CCBE1: variants seen among roughly 807,000 people sequenced by gnomAD.
CCBE1 encodes the protein collagen and calcium-binding EGF domain-containing protein 1.
A neutral mutation model predicts 50.0 loss-of-function variants in CCBE1; 37 were observed. That is an observed-to-expected ratio of 0.74 (90% CI 0.57 to 0.97). CCBE1 has a LOEUF of 0.97. Among genes scored for constraint, CCBE1 ranks in the 50% least tolerant of loss-of-function variants. CCBE1 has a pLI of 0.00. For missense variants in CCBE1, 538 were observed against 523.8 expected (o/e 1.03, Z -0.26); for synonymous variants, 234 against 203.7 (o/e 1.15, Z -1.27).
At chr18:59,616,350 C>T (rs1027376534) in intron 2 of CCBE1, among the ~76,000 whole-genome samples, 3 of 152,132 alleles carry the variant, frequency 2.0e-5, no homozygotes, top group Non-Finnish European at 4.4e-5. Flanking sequence ...ATGGGAGACC[C>T]CAGATGTGAT....
chr18:59,502,776 G>C (rs1028337469), intron 2 of CCBE1, among the ~76,000 whole-genome samples: 1 of 152,130 alleles, frequency 6.6e-6, no homozygotes, highest in Non-Finnish European at 1.5e-5. Flanking sequence ...CTTTAAGAGC[G>C]CTGTGCTTGT....
chr18:59,454,615 T>C (rs1391488513), intron 6 of CCBE1, among the ~76,000 whole-genome samples: 1 of 152,214 alleles, frequency 6.6e-6, no homozygotes, highest in Non-Finnish European at 1.5e-5. Context: ...ACGTGTCCCT[T>C]ACCTAGTGTC....
intron 2 of CCBE1, among the ~76,000 whole-genome samples, chr18:59,613,800 G>A (rs914447427): frequency 1.4e-5 from 2 of 145,436 alleles, no homozygotes; most frequent in African/African-American, 5.1e-5. Context: ...TCCCACACTT[G>A]TAACTCTAAA....
At chr18:59,572,640 TA>T (rs1158053680) in intron 2 of CCBE1, among the ~76,000 whole-genome samples, 1 of 152,230 alleles carries the variant, frequency 6.6e-6, no homozygotes, top group African/African-American at 2.4e-5. Flanking sequence ...ATTGGTTGGT[TA>T]GCCTTATTCC....
At chr18:59,491,551 T>C (rs1913096017) in intron 2 of CCBE1, among the ~76,000 whole-genome samples, 1 of 151,738 alleles carries the variant, frequency 6.6e-6, no homozygotes. Context: ...TGGTGACTTA[T>C]GCCTGGAATT....
intron 2 of CCBE1, among the ~76,000 whole-genome samples, chr18:59,571,444 A>G (rs905014443): frequency 2.6e-5 from 3 of 114,122 alleles, no homozygotes; most frequent in African/African-American, 1.0e-4. Flanking sequence ...ACTTGGACAC[A>G]GGGTGGGGAA....
At position 59,455,397 on chromosome 18, in the gene CCBE1, T is replaced by C. The variant is rs189660548; in HGVS notation, c.554-446A>G. On this transcript the variant is annotated intron_variant, in intron 5 of 10. Transcript: ENST00000439986. ...TTATCACCTCTGCTAATCCAGTTCT[T>C]CAAAGGGAGCACAGCAGTGGGCCGG... is the stretch of plus-strand genomic sequence containing the variant. 2.0e-5 allele frequency among the ~76,000 whole-genome samples: 3 copies of C among 152,228 alleles called. No homozygotes were observed. The East Asian group carries it at 5.8e-4, about 30-fold the overall frequency.
intron 2 of CCBE1, among the ~76,000 whole-genome samples, chr18:59,522,907 G>A (rs927632621): frequency 2.7e-5 from 4 of 150,192 alleles, no homozygotes; most frequent in African/African-American, 4.9e-5. Flanking sequence ...GAGGAGAGTG[G>A]TGTGAACCCA....
chr18:59,667,132 G>C (rs1001027946), intron 2 of CCBE1, among the ~76,000 whole-genome samples: 4 of 151,998 alleles, frequency 2.6e-5, no homozygotes, highest in Non-Finnish European at 4.4e-5. Flanking sequence ...AGCCAGGCCT[G>C]GTGGCATACG....
chr18:59,475,508 A>AT (rs1215715936), intron 3 of CCBE1, among the ~76,000 whole-genome samples: 3 of 151,846 alleles, frequency 2.0e-5, no homozygotes, highest in Non-Finnish European at 4.4e-5. Flanking sequence ...TTGCCTTCTC[A>AT]CCTCCATACT....
In CCBE1 at chr18:59,689,326, G is replaced by A. The variant is rs116475688; in HGVS notation, c.212+7303C>T. Among the ~76,000 whole-genome samples the A allele has an allele frequency of 6.8e-3, 1,040 of 152,316 alleles. 15 individuals are homozygous for A. Among genetic ancestry groups the A allele is most frequent in the African/African-American group, 0.024 (1,001 of 41,578 alleles). On this transcript the variant is annotated intron_variant, in intron 2 of 10. Transcript: ENST00000439986. Reference sequence around the variant, plus strand: ...AATGTCCCACAGGAGTGGCCAAGAAGGAAAGGTCTAGAACGGATGTGGTCC... The same window carrying A: ...AATGTCCCACAGGAGTGGCCAAGAAAGAAAGGTCTAGAACGGATGTGGTCC...
intron 2 of CCBE1, among the ~76,000 whole-genome samples, chr18:59,610,934 T>C (rs1231557846): frequency 1.3e-5 from 2 of 152,246 alleles, no homozygotes; most frequent in African/African-American, 4.8e-5. Flanking sequence ...ACCTCTATTA[T>C]GCATAACAGT....
At chr18:59,592,916 A>T (rs1263543423) in intron 2 of CCBE1, among the ~76,000 whole-genome samples, 1 of 152,212 alleles carries the variant, frequency 6.6e-6, no homozygotes, top group Non-Finnish European at 1.5e-5. Flanking sequence ...TTAAAAATAA[A>T]AAAAAAGGAA....
At chr18:59,477,457 G>A (rs950133570) in intron 3 of CCBE1, among the ~76,000 whole-genome samples, 2 of 152,074 alleles carry the variant, frequency 1.3e-5, no homozygotes, top group African/African-American at 4.8e-5. Context: ...TATCAGCTAT[G>A]ACCACGGGAC....
chr18:59,684,985 A>T (rs961649538), intron 2 of CCBE1, among the ~76,000 whole-genome samples: 2 of 152,184 alleles, frequency 1.3e-5, no homozygotes, highest in Admixed American at 1.3e-4. Flanking sequence ...CAGCATGTAG[A>T]TGTCCCATCA....
At chr18:59,588,415 AAG>A (rs2053209793) in intron 2 of CCBE1, among the ~76,000 whole-genome samples, 1 of 152,134 alleles carries the variant, frequency 6.6e-6, no homozygotes, top group African/African-American at 2.4e-5. Context: ...AAAGAAAAAA[AAG>A]AGGTAAATAT....
rs777557951 is a variant in CCBE1 at position 59,696,679 on chromosome 18, C to A, written c.162G>T (p.Thr54=). 6.2e-7 allele frequency: 1 copy of A among 1,614,022 alleles called. No individual in the cohort carries two copies. Among genetic ancestry groups the A allele is most frequent in the Non-Finnish European group, 8.5e-7 (1 of 1,179,944 alleles). Residue 54 remains threonine (T), a synonymous_variant, in exon 2 of 11, where the codon ACG becomes ACT. Coordinates refer to ENST00000439986, the MANE Select transcript of CCBE1 (RefSeq NM_133459.4). ...AAGACTTCAGACACGGGTATTTAGTCGTCGCGATTTTGCTCTCTGAGCAGA... is the reference window on the plus strand; with the variant it reads ...AAGACTTCAGACACGGGTATTTAGTAGTCGCGATTTTGCTCTCTGAGCAGA... The part of the protein sequence containing the change: ...REICSESKIA[T]TKYPCLKSSG...
Position 59,469,558 on chromosome 18 carries a change from G to A in CCBE1, c.315C>T (p.Asn105=), listed in dbSNP as rs748446436. The change falls in exon 4 of 11, where the codon AAC becomes AAT. Residue 105 remains asparagine (N), a synonymous_variant. Transcript: ENST00000439986. The part of the protein sequence containing the change: ...EAPCEQQCTD[N]FGRVLCTCYP... ...AACAAGTACACAGCACTCGGCCAAA[G>A]TTGTCCGTGCACTGCTGTTCACAGG... 4 of 1,614,190 alleles carry A rather than the reference G, an allele frequency of 2.5e-6. No homozygotes were observed. In the South Asian group the frequency reaches 4.4e-5, roughly 18 times the overall value.
At chr18:59,655,173 A>C (rs963683423) in intron 2 of CCBE1, among the ~76,000 whole-genome samples, 1 of 151,696 alleles carries the variant, frequency 6.6e-6, no homozygotes, top group Middle Eastern at 3.4e-3. Context: ...AAGCATCCTC[A>C]TCTGAAGAAC....
Sources: gnomAD v4.1 joint callset for allele counts (sites outside exome capture counted in the v4.1 genomes callset) on GRCh38, gnomAD v4.1.1 for gene constraint, MANE v1.5 for transcripts, NCBI Gene and HGNC (gene_info 2026-07-23, HGNC 2026-07-21) for gene names.